The following TDRP variants were observed in gnomAD, a reference collection of about 807,000 sequenced individuals.
The protein encoded by TDRP is testis development related protein.
In TDRP, 12 loss-of-function variants were observed where a neutral mutation model predicts 10.5. That is an observed-to-expected ratio of 1.15 (90% CI 0.73 to 1.86). The LOEUF (loss-of-function observed/expected upper bound fraction) is 1.86, where lower values mean the gene tolerates loss of function less well. Ranked by LOEUF, TDRP falls within the 40% of genes most tolerant of loss-of-function variation. The pLI, the probability that TDRP is intolerant of heterozygous loss-of-function variation, is 0.00. For synonymous variants in TDRP, 139 were observed against 95.4 expected (o/e 1.46, Z -2.67); for missense variants, 353 against 229.2 (o/e 1.54, Z -3.49).
At chr8:509,619 A>C (rs1488123812) in intron 1 of TDRP, among the ~76,000 whole-genome samples, 1 of 151,812 alleles carries the variant, frequency 6.6e-6, no homozygotes, top group Non-Finnish European at 1.5e-5. Context: ...GGCTCATCTG[A>C]CCCATTTTTT....
intron 1 of TDRP, among the ~76,000 whole-genome samples, chr8:507,461 G>T (rs1204264106): frequency 6.6e-6 from 1 of 151,652 alleles, no homozygotes; most frequent in Non-Finnish European, 1.5e-5. Context: ...TTCATTTGTA[G>T]AGCAATGTAT....
chr8:510,579 C>T (rs1275818381), intron 1 of TDRP, among the ~76,000 whole-genome samples: 2 of 152,166 alleles, frequency 1.3e-5, no homozygotes, highest in East Asian at 1.9e-4. Context: ...TGGAATAACA[C>T]AATCAGAGCA....
intron 1 of TDRP, 139 bp downstream of exon 1, chr8:544,510 GA>G: frequency 2.1e-6 from 1 of 483,432 alleles, no homozygotes; most frequent in Non-Finnish European, 3.3e-6. Context: ...CCGCGCCCCG[GA>G]GCTACGCGGC....
intron 1 of TDRP, among the ~76,000 whole-genome samples, chr8:526,125 T>C (rs1329413825): frequency 6.6e-6 from 1 of 152,218 alleles, no homozygotes; most frequent in Non-Finnish European, 1.5e-5. Context: ...TAGTGAGCCT[T>C]TGAATTTCTG....
chr8:534,684 C>T (rs964737113), intron 1 of TDRP, among the ~76,000 whole-genome samples: 2 of 152,156 alleles, frequency 1.3e-5, no homozygotes, highest in Non-Finnish European at 2.9e-5. Context: ...GGAAGGAGCT[C>T]GCTGGGTGAT....
intron 2 of TDRP, among the ~76,000 whole-genome samples, chr8:493,995 T>TTTG (rs1030359355): frequency 3.0e-5 from 2 of 67,284 alleles, no homozygotes; most frequent in Non-Finnish European, 4.3e-5. Context: ...TTTCTGTTGT[T>TTTG]TTTTTTTTTT....
intron 1 of TDRP, among the ~76,000 whole-genome samples, chr8:519,508 G>A (rs1164462020): frequency 6.6e-6 from 1 of 151,982 alleles, no homozygotes; most frequent in Non-Finnish European, 1.5e-5. Flanking sequence ...CATGCAAACT[G>A]TTGTACAACA....
At position 491,681 on chromosome 8, in the gene TDRP, AAAAG is replaced by A; in HGVS notation, c.*714_*717del. 6.6e-7 allele frequency: 1 copy of A among 1,504,528 alleles called. No homozygotes were observed. Among genetic ancestry groups the A allele is most frequent in the Non-Finnish European group, 8.8e-7 (1 of 1,138,120 alleles). The allele number at this position is 1,504,528 out of a possible 1,614,324, so 93.2% of individuals were successfully genotyped here. A position where few individuals can be genotyped will look rare whatever the true frequency, so the allele number is the denominator to read the frequency against. On this transcript the variant is annotated 3_prime_UTR_variant, in exon 3 of 3. Coordinates refer to ENST00000324079, the MANE Select transcript of TDRP (RefSeq NM_001384899.1). The stretch of plus-strand genomic sequence containing the variant: ...CCATACTTCTTTAATCTGTAAACAA[AAAAG>A]AGAGCAAATGTTTTAAGAAAATAAA...
chr8:530,952 A>G (rs146694331), intron 1 of TDRP, among the ~76,000 whole-genome samples: 42 of 152,252 alleles, frequency 2.8e-4, no homozygotes, highest in Non-Finnish European at 5.3e-4. Flanking sequence ...GCAAAAAGCC[A>G]GTTAACTCTT....
At chr8:508,085 A>G (rs1327777664) in intron 1 of TDRP, among the ~76,000 whole-genome samples, 1 of 152,308 alleles carries the variant, frequency 6.6e-6, no homozygotes, top group African/African-American at 2.4e-5. Flanking sequence ...ATATGTTAAC[A>G]AAGCTAAAGG....
chr8:499,059 G>A (rs1474293844), intron 1 of TDRP, among the ~76,000 whole-genome samples: 1 of 152,066 alleles, frequency 6.6e-6, no homozygotes, highest in African/African-American at 2.4e-5. Flanking sequence ...TGTGTAAATG[G>A]ACTAATACAA....
Position 502,549 on chromosome 8 carries a change from G to C in TDRP, c.109-7952C>G, listed in dbSNP as rs183965505. ...GCTCGGGTGACCTAGGCATACCTCAGCACACACAAACATGGAACCCAGAGC... is the reference window on the plus strand; with the variant it reads ...GCTCGGGTGACCTAGGCATACCTCACCACACACAAACATGGAACCCAGAGC... On this transcript the variant is annotated intron_variant, in intron 1 of 2. Transcript: ENST00000324079. 2.7e-3 allele frequency among the ~76,000 whole-genome samples: 404 copies of C among 152,310 alleles called. 3 individuals are homozygous for C. The highest frequency in any genetic ancestry group is 9.4e-3 in the African/African-American group (389 of 41,564).
intron 1 of TDRP, among the ~76,000 whole-genome samples, chr8:517,505 G>C (rs984407645): frequency 6.6e-6 from 1 of 152,112 alleles, no homozygotes; most frequent in Non-Finnish European, 1.5e-5. Flanking sequence ...TTAACCCCAA[G>C]CATTCCATTC....
intron 1 of TDRP, among the ~76,000 whole-genome samples, chr8:535,799 T>C (rs62485661): frequency 0.76 from 84,447 of 110,654 alleles, 29,743 homozygotes; most frequent in African/African-American, 0.8. Context: ...CAGGTCTCAG[T>C]GTAGGGGTGG....
At position 544,830 on chromosome 8, in the gene TDRP, G is replaced by T. The variant is rs576869074; in HGVS notation, c.-73C>A. The stretch of plus-strand genomic sequence containing the variant: ...TCCGCGTCCCTCCCGGCCGCCGGAC[G>T]CTCTGCCTGCGGCTCCTGCGGGACG... On this transcript the variant is annotated 5_prime_UTR_variant, in exon 1 of 3. Coordinates refer to ENST00000324079, the MANE Select transcript of TDRP (RefSeq NM_001384899.1). The T allele has an allele frequency of 3.6e-6, 4 of 1,102,974 alleles. No homozygotes were observed. In the South Asian group the frequency reaches 1.4e-4, roughly 38 times the overall value. 68.3% of individuals were successfully genotyped at this position (1,102,974 alleles called of 1,614,324 possible).
At chr8:544,323 T>G (rs1802578305) in intron 1 of TDRP, among the ~76,000 whole-genome samples, 1 of 151,840 alleles carries the variant, frequency 6.6e-6, no homozygotes, top group Admixed American at 6.5e-5. Context: ...CCCGCTCTCC[T>G]GGGACTGCGC....
At chr8:513,772 T>C (rs1453928250) in intron 1 of TDRP, among the ~76,000 whole-genome samples, 1 of 152,236 alleles carries the variant, frequency 6.6e-6, no homozygotes, top group African/African-American at 2.4e-5. Context: ...AAAACCTATG[T>C]TAGAACTAAT....
At chr8:538,060 A>T (rs1046279329) in intron 1 of TDRP, among the ~76,000 whole-genome samples, 4 of 152,226 alleles carry the variant, frequency 2.6e-5, no homozygotes, top group African/African-American at 9.6e-5. Context: ...ATAAAGAAAA[A>T]GCTTCTGCGG....
At chr8:519,200 C>A (rs922590859) in intron 1 of TDRP, among the ~76,000 whole-genome samples, 1 of 152,116 alleles carries the variant, frequency 6.6e-6, no homozygotes, top group Non-Finnish European at 1.5e-5. Context: ...GTTAGTGAAC[C>A]CATCCATGTG....
Sources: allele counts gnomAD v4.1 joint callset (sites outside exome capture counted in the v4.1 genomes callset), GRCh38; gene constraint gnomAD v4.1.1; transcripts MANE v1.5; gene names NCBI Gene and HGNC (gene_info 2026-07-23, HGNC 2026-07-21).